The following GNA11 variants were observed in gnomAD, a reference collection of about 807,000 sequenced individuals.
The protein encoded by GNA11 is guanine nucleotide-binding protein subunit alpha-11.
Under a neutral mutation model 38.2 loss-of-function variants are expected in GNA11, and 8 were observed. The observed-to-expected ratio is 0.21, with a 90% CI of 0.12 to 0.38. The LOEUF (loss-of-function observed/expected upper bound fraction) is 0.38, where lower values mean the gene tolerates loss of function less well. GNA11 is among the 10% of genes least tolerant of loss of function. The pLI, the probability that GNA11 is intolerant of heterozygous loss-of-function variation, is 1.00. For synonymous variants in GNA11, 211 were observed against 221.4 expected (o/e 0.95, Z 0.42); for missense variants, 268 against 516.3 (o/e 0.52, Z 4.66).
intron 2 of GNA11, among the ~76,000 whole-genome samples, chr19:3,111,099 C>T (rs1435857837): frequency 6.6e-6 from 1 of 151,626 alleles, no homozygotes; most frequent in Non-Finnish European, 1.5e-5. Context: ...TGGCCTCCGC[C>T]CTGGTTTTTT....
intron 1 of GNA11, among the ~76,000 whole-genome samples, chr19:3,104,879 G>A (rs1260527538): frequency 6.6e-6 from 1 of 152,198 alleles, no homozygotes; most frequent in Non-Finnish European, 1.5e-5. Context: ...TCTGCAGTGG[G>A]GGTTCTCCGG....
chr19:3,119,596 G>A lies in GNA11; in HGVS notation c.889+237G>A, dbSNP rs1914015985. On this transcript the variant is annotated intron_variant, in intron 6 of 6. Transcript: ENST00000078429. This position sits in a 1 kb window ranked among gnomAD's most constrained non-coding sequence, Gnocchi z 4.6. ...ACCCGTGGGAGATCTGTTAATGCAG[G>A]GACTCCTTATACAGGAGGGGTCTCG... is the stretch of plus-strand genomic sequence containing the variant. 6.7e-6 allele frequency among the ~76,000 whole-genome samples: 1 copy of A among 150,040 alleles called. No individual in the cohort carries two copies. The highest frequency in any genetic ancestry group is 6.6e-5 in the Admixed American group (1 of 15,050).
chr19:3,100,570 C>A (rs1033316269), intron 1 of GNA11, among the ~76,000 whole-genome samples: 2 of 152,184 alleles, frequency 1.3e-5, no homozygotes, highest in Non-Finnish European at 2.9e-5. Context: ...TGGTGCACGC[C>A]AGGGGTCTCT....
intron 1 of GNA11, among the ~76,000 whole-genome samples, chr19:3,099,049 G>T (rs1468183165): frequency 6.6e-6 from 1 of 152,190 alleles, no homozygotes. Flanking sequence ...TGGAGGAAGT[G>T]CTTTCCTCCG....
rs1277319722 is a variant in GNA11, at chr19:3,108,967, G to C, written c.137-1182G>C. On this transcript the variant is annotated intron_variant, in intron 1 of 6. Coordinates refer to ENST00000078429, the MANE Select transcript of GNA11 (RefSeq NM_002067.5). The surrounding 1 kb of genome is among the most constrained non-coding windows in gnomAD (Gnocchi z 4.5). ...CACAGCGTGGCGGCTGCCTACCCCA[G>C]AGCCCCTGACCCGAGACTGAGGGCA... Among the ~76,000 whole-genome samples the C allele has an allele frequency of 1.3e-5, 2 of 152,214 alleles. No homozygotes were observed. Among genetic ancestry groups the C allele is most frequent in the African/African-American group, 4.8e-5 (2 of 41,470 alleles).
intron 1 of GNA11, among the ~76,000 whole-genome samples, chr19:3,098,479 T>C (rs1913426472): frequency 6.6e-6 from 1 of 152,234 alleles, no homozygotes; most frequent in South Asian, 2.1e-4. Flanking sequence ...TAGTTCTTTG[T>C]GGCAGGTTTG....
At chr19:3,109,815 G>A (rs557188741) in intron 1 of GNA11, among the ~76,000 whole-genome samples, 22 of 152,344 alleles carry the variant, frequency 1.4e-4, no homozygotes, top group African/African-American at 3.8e-4. Context: ...TCCCAGCTGC[G>A]GGGCCGGTGC....
chr19:3,112,697 A>G (rs1913804150), intron 2 of GNA11, among the ~76,000 whole-genome samples: 1 of 152,250 alleles, frequency 6.6e-6, no homozygotes. Flanking sequence ...TTGGGGCACC[A>G]TGTAAACTGT....
chr19:3,102,696 A>G (rs74780661), intron 1 of GNA11, among the ~76,000 whole-genome samples: 71 of 152,224 alleles, frequency 4.7e-4, no homozygotes, highest in African/African-American at 1.7e-3. Context: ...CTGAGACTGA[A>G]GCGAAGCAGG....
Position 3,094,824 on chromosome 19 carries a change from T to A in GNA11, c.136+37T>A. 1 of 1,455,664 alleles carries A rather than the reference T, an allele frequency of 6.9e-7. No individual in the cohort carries two copies. The highest frequency in any genetic ancestry group is 9.2e-7 in the Non-Finnish European group (1 of 1,091,836). The allele number at this position is 1,455,664 out of a possible 1,614,324, so 90.2% of individuals were successfully genotyped here. ...CCCCGGGCCTGCCGGCTGCGGGCCC[T>A]GCCCTGCCTGTGCCTGCCCTGCCTG... On this transcript the variant is annotated intron_variant, in intron 1 of 6. Coordinates refer to ENST00000078429, the MANE Select transcript of GNA11 (RefSeq NM_002067.5). The surrounding 1 kb of genome is among the most constrained non-coding windows in gnomAD (Gnocchi z 6.0).
In GNA11 at chr19:3,094,830, G is replaced by A. The variant is rs760087646; in HGVS notation, c.136+43G>A. On this transcript the variant is annotated intron_variant, in intron 1 of 6. Transcript: ENST00000078429. The surrounding 1 kb of genome is among the most constrained non-coding windows in gnomAD (Gnocchi z 6.0). ...GCCTGCCGGCTGCGGGCCCTGCCCT[G>A]CCTGTGCCTGCCCTGCCTGTCCGGG... The A allele has an allele frequency of 1.4e-5, 20 of 1,430,046 alleles. 1 individual carries two copies. In the South Asian group the frequency reaches 2.2e-4, roughly 16 times the overall value. The allele number at this position is 1,430,046 out of a possible 1,614,324, so 88.6% of individuals were successfully genotyped here.
chr19:3,098,474 C>T (rs1425512813), intron 1 of GNA11, among the ~76,000 whole-genome samples: 2 of 152,222 alleles, frequency 1.3e-5, no homozygotes, highest in Admixed American at 6.5e-5. Context: ...CCGTATAGTT[C>T]TTTGTGGCAG....
chr19:3,117,581 A>T (rs1985462), intron 4 of GNA11: 2 of 152,170 alleles, frequency 1.3e-5, no homozygotes, highest in African/African-American at 4.8e-5. Context: ...ATGTGGTTTC[A>T]CCATGTTAGC....
chr19:3,118,291 C>T (rs951783873), intron 4 of GNA11: 7 of 152,144 alleles, frequency 4.6e-5, no homozygotes, highest in South Asian at 2.1e-4. Flanking sequence ...AAGAGGCAAA[C>T]GTCCCGTAAG....
chr19:3,118,797 G>T, intron 4 of GNA11, 127 bp from the exon 5 acceptor site: 1 of 861,686 alleles, frequency 1.2e-6, no homozygotes, highest in Non-Finnish European at 1.9e-6. Flanking sequence ...CTAAGAGTGG[G>T]GGCTCTTCCT....
In GNA11 at chr19:3,120,981, TC is replaced by T; in HGVS notation, c.890-3del. ...TGGGGCACAGCCTCACCCTCTGCCCTCCCCCAGGTCCCCAGCGGGACGCCCA... is the reference window on the plus strand; with the variant it reads ...TGGGGCACAGCCTCACCCTCTGCCCTCCCCAGGTCCCCAGCGGGACGCCCA... On this transcript the variant is annotated splice_polypyrimidine_tract_variant and splice_region_variant and intron_variant, in intron 6 of 6. Coordinates refer to ENST00000078429, the MANE Select transcript of GNA11 (RefSeq NM_002067.5). The surrounding 1 kb of genome is among the most constrained non-coding windows in gnomAD (Gnocchi z 5.9). 6.2e-7 allele frequency: 1 copy of T among 1,602,118 alleles called. No homozygotes were observed.
At chr19:3,096,000 C>T (rs761296894) in intron 1 of GNA11, among the ~76,000 whole-genome samples, 34 of 152,328 alleles carry the variant, frequency 2.2e-4, no homozygotes, top group Non-Finnish European at 3.2e-4. Context: ...CCCTCCCGAG[C>T]TCCTAGGTTA....
intron 1 of GNA11, among the ~76,000 whole-genome samples, chr19:3,099,685 C>T (rs909879915): frequency 1.3e-5 from 2 of 152,190 alleles, no homozygotes; most frequent in African/African-American, 4.8e-5. Flanking sequence ...AGTCTCCCAC[C>T]CTCCATCCCC....
chr19:3,107,759 G>A (rs1913673514), intron 1 of GNA11, among the ~76,000 whole-genome samples: 1 of 152,202 alleles, frequency 6.6e-6, no homozygotes. Flanking sequence ...CAGGGTTGCT[G>A]CTGAGCACCC....
Sources: gnomAD v4.1 joint callset for allele counts (sites outside exome capture counted in the v4.1 genomes callset) on GRCh38, gnomAD v4.1.1 for gene constraint, Gnocchi (gnomAD v3.1) non-coding constraint, MANE v1.5 for transcripts, NCBI Gene and HGNC (gene_info 2026-07-23, HGNC 2026-07-21) for gene names.